Variants in SEPTIN6 observed in about 807,000 individuals in gnomAD.
SEPTIN6 encodes septin-6.
SEPTIN6 carries 8 observed loss-of-function variants against 33.6 expected under a neutral mutation model. That is an observed-to-expected ratio of 0.24 (90% CI 0.14 to 0.43). SEPTIN6 has a LOEUF of 0.43. Among genes scored for constraint, SEPTIN6 ranks in the 20% least tolerant of loss-of-function variants. The probability of loss-of-function intolerance (pLI) is 1.00; values close to 1 mark genes in which losing one functional copy is unlikely to be tolerated. For missense variants in SEPTIN6, 250 were observed against 340.8 expected (o/e 0.73, Z 2.10); for synonymous variants, 131 against 140.0 (o/e 0.94, Z 0.45).
intron 3 of SEPTIN6, among the ~76,000 whole-genome samples, chrX:119,653,354 C>T (rs2054381056): frequency 8.9e-6 from 1 of 112,275 alleles, no homozygotes; most frequent in South Asian, 3.7e-4. Flanking sequence ...CCCACTTATG[C>T]CAGAAATCCC....
chrX:119,657,467 C>T (rs2054466920), intron 3 of SEPTIN6, among the ~76,000 whole-genome samples: 1 of 110,892 alleles, frequency 9.0e-6, no homozygotes, highest in Non-Finnish European at 1.9e-5. Flanking sequence ...CCTTGTCCCC[C>T]TCTAGACATG....
chrX:119,645,831 C>G (rs112233615), intron 5 of SEPTIN6, among the ~76,000 whole-genome samples: 3,573 of 111,813 alleles, frequency 0.032, 154 homozygotes, highest in African/African-American at 0.11. Context: ...CACCCAGCCC[C>G]GACCTCTTAA....
At chrX:119,621,905 C>T (rs1036134453) in intron 10 of SEPTIN6, among the ~76,000 whole-genome samples, 1 of 110,414 alleles carries the variant, frequency 9.1e-6, no homozygotes, top group Non-Finnish European at 1.9e-5. Context: ...TCCCAAAGTG[C>T]TAGGATTACA....
intron 1 of SEPTIN6, chrX:119,686,596 G>A (rs1344777186): frequency 1.3e-5 from 13 of 968,857 alleles, no homozygotes; most frequent in Non-Finnish European, 1.7e-5. Flanking sequence ...CTGTGCAGGC[G>A]GCAGAGAAAC....
chrX:119,665,888 T>A (rs1465646509), intron 2 of SEPTIN6, among the ~76,000 whole-genome samples: 1 of 110,204 alleles, frequency 9.1e-6, no homozygotes, highest in Non-Finnish European at 1.9e-5. Context: ...GAGACCATCC[T>A]GGCTAACACG....
intron 1 of SEPTIN6, among the ~76,000 whole-genome samples, chrX:119,682,594 G>A (rs376058475): frequency 1.8e-5 from 2 of 111,546 alleles, no homozygotes; most frequent in East Asian, 2.8e-4. Flanking sequence ...CACCAATTTC[G>A]TTTTTTAATT....
chrX:119,678,777 A>G (rs1289252456), intron 1 of SEPTIN6, among the ~76,000 whole-genome samples: 1 of 110,257 alleles, frequency 9.1e-6, no homozygotes, highest in Non-Finnish European at 1.9e-5. Flanking sequence ...GTGGACTCAG[A>G]GTTGAGGTTT....
intron 4 of SEPTIN6, among the ~76,000 whole-genome samples, chrX:119,652,438 G>A (rs888692185): frequency 1.8e-5 from 2 of 111,963 alleles, no homozygotes; most frequent in African/African-American, 6.5e-5. Context: ...TCACGGGGCT[G>A]GCATATAATG....
At chrX:119,691,509 A>C (rs2055171281) in intron 1 of SEPTIN6, among the ~76,000 whole-genome samples, 1 of 111,621 alleles carries the variant, frequency 9.0e-6, no homozygotes, top group African/African-American at 3.3e-5. Context: ...TGGGGGAAGA[A>C]AATTCTCTCA....
intron 2 of SEPTIN6, among the ~76,000 whole-genome samples, chrX:119,671,453 A>T (rs2054746839): frequency 9.4e-6 from 1 of 106,644 alleles, no homozygotes; most frequent in African/African-American, 3.4e-5. Flanking sequence ...ACGCCTGGCT[A>T]ACTTTTTTGT....
At chrX:119,663,794 G>C in intron 2 of SEPTIN6, 117 bp from the exon 3 acceptor site, 1 of 568,699 alleles carries the variant, frequency 1.8e-6, no homozygotes. Flanking sequence ...AAAACATAAA[G>C]CAAAAAGCAG....
At chrX:119,634,828 G>A (rs766477018) in intron 7 of SEPTIN6, among the ~76,000 whole-genome samples, 3 of 109,348 alleles carry the variant, frequency 2.7e-5, no homozygotes, top group African/African-American at 1.0e-4. Flanking sequence ...GGCCAATATG[G>A]TGAAACCCCA....
At chrX:119,624,164 T>A (rs1489298408) in intron 10 of SEPTIN6, 1 of 242,757 alleles carries the variant, frequency 4.1e-6, no homozygotes, top group Non-Finnish European at 7.8e-6. Context: ...TTTGTTTTTT[T>A]TTTTGTTTGT....
At chrX:119,660,554 G>A (rs1411216798) in intron 3 of SEPTIN6, among the ~76,000 whole-genome samples, 1 of 112,034 alleles carries the variant, frequency 8.9e-6, no homozygotes, top group East Asian at 2.8e-4. Flanking sequence ...TTATTATCAA[G>A]GCATTGTCCA....
chrX:119,641,428 C>T (rs919158722), intron 5 of SEPTIN6, among the ~76,000 whole-genome samples: 5 of 112,205 alleles, frequency 4.5e-5, no homozygotes, highest in Non-Finnish European at 9.4e-5. Flanking sequence ...CACGCTCCCT[C>T]GCCCTCTAGG....
At chrX:119,657,638 G>A (rs1355250105) in intron 3 of SEPTIN6, among the ~76,000 whole-genome samples, 1 of 110,943 alleles carries the variant, frequency 9.0e-6, no homozygotes, top group Admixed American at 9.6e-5. Context: ...TCAGCCTTCT[G>A]AGTATCTGGG....
downstream of SEPTIN6, chrX:119,616,225 G>A (rs1418464076): frequency 4.0e-5 from 11 of 278,261 alleles, no homozygotes; most frequent in Non-Finnish European, 5.2e-5. Context: ...GAAGGTCTGC[G>A]AATGCTGAAG....
At chrX:119,621,875 G>A (rs2053773326) in intron 10 of SEPTIN6, among the ~76,000 whole-genome samples, 1 of 108,986 alleles carries the variant, frequency 9.2e-6, no homozygotes, top group Admixed American at 9.9e-5. Context: ...CTGGGCTCAA[G>A]TGATCCTCCC....
Position 119,637,058 on chromosome X carries a change from T to C in SEPTIN6, c.925A>G (p.Lys309Glu). Residue 309 changes from lysine to glutamate, a missense_variant, in exon 7 of 11, where the codon AAG becomes GAG. By Grantham distance (56) the Lys-to-Glu change is moderately conservative. Around this residue, in one of 2 missense-constraint regions of SEPTIN6, gnomAD observed 139 missense variants for 227.0 expected, o/e 0.61. Coordinates refer to ENST00000394610, the MANE Select transcript of SEPTIN6 (RefSeq NM_145799.4). ...RRCKLEEMGF[K>E]DTDPDSKPFS... is the part of the protein sequence containing the mutation. ...GGTTTGCTGTCAGGGTCGGTGTCCT[T>C]GAAGCCCATCTCCTCCAGCTTACAG... 1 of 1,211,535 alleles carries C rather than the reference T, an allele frequency of 8.3e-7. No homozygotes were observed.
Sources: gnomAD v4.1 joint callset for allele counts (sites outside exome capture counted in the v4.1 genomes callset) on GRCh38, gnomAD v4.1.1 for gene constraint, gnomAD v4.1.1 regional missense constraint, MANE v1.5 for transcripts, NCBI Gene and HGNC (gene_info 2026-07-23, HGNC 2026-07-21) for gene names.